Variants in GRM5 observed in about 807,000 individuals in gnomAD.
GRM5 encodes metabotropic glutamate receptor 5.
A neutral mutation model predicts 83.1 loss-of-function variants in GRM5; 19 were observed. The observed-to-expected ratio is 0.23, with a 90% confidence interval of 0.16 to 0.34. The LOEUF is 0.34. Among genes scored for constraint, GRM5 ranks in the 10% least tolerant of loss-of-function variants. The pLI is 1.00. For missense variants in GRM5, 1,160 were observed against 1,588.3 expected (o/e 0.73, Z 4.58); for synonymous variants, 675 against 633.6 (o/e 1.07, Z -0.98).
intron 3 of GRM5, among the ~76,000 whole-genome samples, chr11:88,837,827 G>T (rs915682840): frequency 2.6e-5 from 4 of 152,146 alleles, no homozygotes; most frequent in African/African-American, 9.7e-5. Context: ...GCTCACGCCT[G>T]TAATCCCAGC....
At chr11:88,875,080 C>CTT (rs1944828447) in intron 2 of GRM5, among the ~76,000 whole-genome samples, 5 of 59,208 alleles carry the variant, frequency 8.4e-5, no homozygotes, top group South Asian at 1.1e-3. Flanking sequence ...CATGAATTGA[C>CTT]TGTTTTTTTT....
At chr11:88,930,454 T>G (rs1328193520) in intron 2 of GRM5, among the ~76,000 whole-genome samples, 1 of 152,114 alleles carries the variant, frequency 6.6e-6, no homozygotes, top group Non-Finnish European at 1.5e-5. Flanking sequence ...ATCTGATGCA[T>G]TATTCAAGGA....
intron 3 of GRM5, among the ~76,000 whole-genome samples, chr11:88,677,759 C>T (rs1366886646): frequency 6.6e-6 from 1 of 152,072 alleles, no homozygotes; most frequent in Non-Finnish European, 1.5e-5. Context: ...ATCAATTTCT[C>T]ATTAATCATT....
At chr11:88,767,894 C>T (rs1942654094) in intron 3 of GRM5, among the ~76,000 whole-genome samples, 1 of 151,870 alleles carries the variant, frequency 6.6e-6, no homozygotes. Flanking sequence ...TGAGATACCA[C>T]CTTACACCCA....
At chr11:88,843,258 C>T (rs954973118) in intron 3 of GRM5, among the ~76,000 whole-genome samples, 44 of 152,158 alleles carry the variant, frequency 2.9e-4, no homozygotes, top group Middle Eastern at 3.4e-3. Context: ...CTGTAATCAG[C>T]GATCTTTTTC....
Position 88,842,720 on chromosome 11 carries a change from G to A in GRM5, c.911+7186C>T, listed in dbSNP as rs1432362544. ...TTTTTTTTTCAACCTAAATGCTGAG[G>A]TCCCTCAAAGATAATTTCTTAGAAT... On this transcript the variant is annotated intron_variant, in intron 3 of 9. Coordinates refer to ENST00000305447, the MANE Select transcript of GRM5 (RefSeq NM_001143831.3). Among the ~76,000 whole-genome samples the A allele has an allele frequency of 4.0e-5, 6 of 151,852 alleles. 1 individual carries two copies. Among genetic ancestry groups the A allele is most frequent in the African/African-American group, 1.5e-4 (6 of 41,290 alleles).
chr11:88,613,051 G>A (rs953483875), intron 4 of GRM5: 2 of 152,128 alleles, frequency 1.3e-5, no homozygotes, highest in South Asian at 4.1e-4. Context: ...TTGTGCTGTG[G>A]TCTGAGGGTG....
At chr11:88,564,090 G>T (rs1466079489) in intron 8 of GRM5, among the ~76,000 whole-genome samples, 1 of 152,132 alleles carries the variant, frequency 6.6e-6, no homozygotes, top group Non-Finnish European at 1.5e-5. Context: ...CATATCAAAA[G>T]CAGGTTCTAG....
intron 2 of GRM5, among the ~76,000 whole-genome samples, chr11:88,879,576 T>C (rs1048291835): frequency 3.9e-5 from 6 of 152,056 alleles, no homozygotes; most frequent in African/African-American, 1.4e-4. Context: ...AATCTACCTG[T>C]AACCAGTCTC....
intron 3 of GRM5, among the ~76,000 whole-genome samples, chr11:88,834,476 T>C (rs951469782): frequency 1.2e-4 from 19 of 152,178 alleles, no homozygotes; most frequent in African/African-American, 4.6e-4. Flanking sequence ...CTGAATGATA[T>C]CTAATCAATA....
intron 6 of GRM5, among the ~76,000 whole-genome samples, chr11:88,594,037 C>T (rs1937728696): frequency 6.6e-6 from 1 of 152,104 alleles, no homozygotes; most frequent in African/African-American, 2.4e-5. Flanking sequence ...TTGTGATCCG[C>T]CCGCCTAGGC....
intron 2 of GRM5, among the ~76,000 whole-genome samples, chr11:88,999,083 C>T (rs1429419882): frequency 3.3e-5 from 5 of 152,014 alleles, no homozygotes; most frequent in Non-Finnish European, 4.4e-5. Flanking sequence ...ATACAAAAAT[C>T]AATTCAAGAC....
chr11:88,602,350 G>A (rs1000029131), intron 5 of GRM5, among the ~76,000 whole-genome samples: 1 of 152,124 alleles, frequency 6.6e-6, no homozygotes, highest in Non-Finnish European at 1.5e-5. Flanking sequence ...TTAGAGCATT[G>A]GGTACTGATA....
intron 2 of GRM5, among the ~76,000 whole-genome samples, chr11:89,033,430 A>C (rs1941311339): frequency 6.6e-6 from 1 of 152,006 alleles, no homozygotes; most frequent in Admixed American, 6.6e-5. Flanking sequence ...GGAATGGTTA[A>C]AATTTATTTC....
chr11:88,714,320 C>G (rs984557489), intron 3 of GRM5, among the ~76,000 whole-genome samples: 4 of 151,758 alleles, frequency 2.6e-5, no homozygotes, highest in Admixed American at 2.6e-4. Context: ...TCTCAGTGAG[C>G]AGTAAAGGCA....
intron 8 of GRM5, among the ~76,000 whole-genome samples, chr11:88,538,205 T>C (rs1357101403): frequency 6.6e-6 from 1 of 152,052 alleles, no homozygotes; most frequent in Non-Finnish European, 1.5e-5. Flanking sequence ...TTGTATTGAG[T>C]AAAGCCTTTC....
intron 6 of GRM5, among the ~76,000 whole-genome samples, chr11:88,596,510 C>T (rs552485334): frequency 6.6e-6 from 1 of 152,170 alleles, no homozygotes; most frequent in African/African-American, 2.4e-5. Context: ...TTATAATAAC[C>T]ATTTAGAGCA....
At chr11:88,963,574 T>C (rs577065291) in intron 2 of GRM5, among the ~76,000 whole-genome samples, 5 of 152,336 alleles carry the variant, frequency 3.3e-5, no homozygotes, top group Admixed American at 2.0e-4. Flanking sequence ...AGCAACCTGG[T>C]AGAGGTGGCA....
At chr11:88,597,401 A>G (rs199680918) in intron 5 of GRM5, 49 bp from the exon 6 acceptor site, 32 of 976,760 alleles carry the variant, frequency 3.3e-5, no homozygotes, top group Middle Eastern at 2.9e-4. Flanking sequence ...GTAAATACTC[A>G]GCTTTGAAAA....
Sources: allele counts gnomAD v4.1 joint callset (sites outside exome capture counted in the v4.1 genomes callset), GRCh38; gene constraint gnomAD v4.1.1; transcripts MANE v1.5; gene names NCBI Gene and HGNC (gene_info 2026-07-23, HGNC 2026-07-21).